TMEM161A: variants seen among roughly 807,000 people sequenced by gnomAD.
TMEM161A encodes transmembrane protein 161A.
Under a neutral mutation model 57.1 loss-of-function variants are expected in TMEM161A, and 46 were observed. That is an observed-to-expected ratio of 0.81 (90% CI 0.64 to 1.03). The LOEUF is 1.03. TMEM161A is among the 50% of genes least tolerant of loss of function. The pLI is 0.00. For missense variants in TMEM161A, 601 were observed against 621.5 expected, an observed-to-expected ratio of 0.97 and a Z score of 0.35; for synonymous variants, 288 against 279.0, an observed-to-expected ratio of 1.03 and a Z score of -0.32.
chr19:19,119,871 G>A lies in TMEM161A; in HGVS notation c.*59C>T. The A allele has an allele frequency of 6.5e-7, 1 of 1,529,044 alleles. No individual in the cohort carries two copies. The highest frequency in any genetic ancestry group is 8.8e-7 in the Non-Finnish European group (1 of 1,135,074). 94.7% of individuals were successfully genotyped at this position (1,529,044 alleles called of 1,614,324 possible). On this transcript the variant is annotated 3_prime_UTR_variant, in exon 12 of 12. Coordinates refer to ENST00000162044, the MANE Select transcript of TMEM161A (RefSeq NM_017814.3). The stretch of plus-strand genomic sequence containing the variant: ...CACGGGGGCGCAAACAGAGGGGGCA[G>A]GCTAGTGTCCCGCTGCCCCAGGAAC...
intron 6 of TMEM161A, among the ~76,000 whole-genome samples, chr19:19,128,145 T>C (rs989666810): frequency 6.6e-6 from 1 of 151,982 alleles, no homozygotes; most frequent in Non-Finnish European, 1.5e-5. Context: ...GAGTTAGTGT[T>C]TGATGGGCTG....
chr19:19,120,775 G>A lies in TMEM161A; in HGVS notation c.1176C>T (p.Leu392=). Residue 392 remains leucine (L), a synonymous_variant, in exon 11 of 12, where the codon CTC becomes CTT. Coordinates refer to ENST00000162044, the MANE Select transcript of TMEM161A (RefSeq NM_017814.3). ...ACCGCGGCATCTCACCCAGCGTCTT[G>A]AGCAGAAGTGTGCAGTTGAGGGTGA... The part of the protein sequence containing the change: ...LILTLNCTLL[L]KTLGGYSWGL... The A allele has an allele frequency of 1.2e-6, 2 of 1,613,178 alleles. No homozygotes were observed. The highest frequency in any genetic ancestry group is 1.7e-6 in the Non-Finnish European group (2 of 1,179,962).
chr19:19,120,259 C>A, intron 11 of TMEM161A, 76 bp from the exon 12 acceptor site: 2 of 1,273,406 alleles, frequency 1.6e-6, no homozygotes, highest in Non-Finnish European at 2.1e-6. Context: ...GCACGGGGGG[C>A]CAGGCCCATT....
At chr19:19,134,738 G>C (rs2059976568) in intron 2 of TMEM161A, 46 bp downstream of exon 2, 4 of 1,403,946 alleles carry the variant, frequency 2.8e-6, no homozygotes, top group African/African-American at 1.4e-5. Flanking sequence ...GAGCCAGAAG[G>C]GGGCGTGACT....
intron 6 of TMEM161A, among the ~76,000 whole-genome samples, chr19:19,129,945 C>A (rs957156830): frequency 4.6e-5 from 7 of 152,098 alleles, no homozygotes; most frequent in Non-Finnish European, 7.4e-5. Context: ...CCATGAGTGT[C>A]CATCAGAGAC....
intron 1 of TMEM161A, 86 bp from the exon 2 acceptor site, chr19:19,134,973 A>G: frequency 1.0e-6 from 1 of 973,118 alleles, no homozygotes; most frequent in East Asian, 2.6e-5. Flanking sequence ...TTTATAGAGA[A>G]GTCAGGCTGG....
chr19:19,130,345 C>A, intron 5 of TMEM161A, 38 bp from the exon 6 acceptor site: 1 of 1,607,532 alleles, frequency 6.2e-7, no homozygotes, highest in Non-Finnish European at 8.5e-7. Context: ...GGTGCCACTG[C>A]CCCACTCTGC....
At chr19:19,137,839 ACACT>A (rs1229726488) in intron 1 of TMEM161A, among the ~76,000 whole-genome samples, 1 of 152,180 alleles carries the variant, frequency 6.6e-6, no homozygotes, top group East Asian at 1.9e-4. Flanking sequence ...TTTTAAGAAC[ACACT>A]CAATAGGTTG....
intron 6 of TMEM161A, among the ~76,000 whole-genome samples, chr19:19,127,039 G>T (rs1243815787): frequency 1.3e-5 from 2 of 152,014 alleles, no homozygotes; most frequent in African/African-American, 4.8e-5. Flanking sequence ...AACAGAATGA[G>T]ACTCTGTCTC....
chr19:19,133,005 A>G, intron 3 of TMEM161A, 125 bp downstream of exon 3: 1 of 858,512 alleles, frequency 1.2e-6, no homozygotes. Context: ...TGCCCAGATC[A>G]GCGCCTGGAA....
At chr19:19,120,680 A>AC in intron 11 of TMEM161A, 85 bp downstream of exon 11, 1 of 375,616 alleles carries the variant, frequency 2.7e-6, no homozygotes, top group Non-Finnish European at 4.1e-6. Context: ...CTCCCCCCCC[A>AC]CCGCGGTCCC....
chr19:19,131,565 AC>A (rs2059959162), intron 5 of TMEM161A, among the ~76,000 whole-genome samples: 2 of 151,684 alleles, frequency 1.3e-5, no homozygotes, highest in Non-Finnish European at 2.9e-5. Context: ...CGCTCTTGTC[AC>A]CCAGGCTGGA....
intron 1 of TMEM161A, among the ~76,000 whole-genome samples, chr19:19,136,020 T>C (rs1408904302): frequency 6.6e-6 from 1 of 151,950 alleles, no homozygotes. Flanking sequence ...CTAAGGCTTT[T>C]TTTTTTTTTA....
At chr19:19,129,137 T>A (rs2059945204) in intron 6 of TMEM161A, among the ~76,000 whole-genome samples, 1 of 152,194 alleles carries the variant, frequency 6.6e-6, no homozygotes, top group Admixed American at 6.6e-5. Context: ...TCCATGGATC[T>A]TGATTCATTT....
At position 19,120,207 on chromosome 19, in the gene TMEM161A, G is replaced by C. The variant is rs1280686579; in HGVS notation, c.1187-24C>G. On this transcript the variant is annotated intron_variant, in intron 11 of 11. Coordinates refer to ENST00000162044, the MANE Select transcript of TMEM161A (RefSeq NM_017814.3). ...TCCTAGGAGAAGAGGATGAAGCGAG[G>C]TATGAGTGGAAAAATGGGGGAGGGG... The C allele has an allele frequency of 4.6e-6, 7 of 1,512,604 alleles. No homozygotes were observed. The East Asian group carries it at 1.7e-4, about 37-fold the overall frequency. 93.7% of individuals were successfully genotyped at this position (1,512,604 alleles called of 1,614,324 possible). A position where few individuals can be genotyped will look rare whatever the true frequency, so the allele number is the denominator to read the frequency against.
chr19:19,128,176 CAA>C, intron 6 of TMEM161A, among the ~76,000 whole-genome samples: 1 of 148,886 alleles, frequency 6.7e-6, no homozygotes, highest in African/African-American at 2.5e-5. Context: ...TTTGCAAGAG[CAA>C]AGAGTTGTGG....
At chr19:19,135,799 C>T (rs2059982315) in intron 1 of TMEM161A, among the ~76,000 whole-genome samples, 1 of 152,206 alleles carries the variant, frequency 6.6e-6, no homozygotes, top group African/African-American at 2.4e-5. Context: ...TGGTCTTGAA[C>T]TCCTAGGCTC....
At chr19:19,123,717 A>C (rs899935722) in intron 6 of TMEM161A, among the ~76,000 whole-genome samples, 3 of 152,216 alleles carry the variant, frequency 2.0e-5, no homozygotes, top group South Asian at 2.1e-4. Context: ...TAATCAAAAG[A>C]AAGCAAGCTA....
Position 19,121,126 on chromosome 19 carries a change from G to C in TMEM161A, c.955C>G (p.Leu319Val). ...SAFDSGRLWL[L>V]VVLCLLRLAV... ...AGCCGCAGCAGGCACAGCACCACCA[G>C]CAACCAGAGGCGCCCAGAGTCGAAG... is the stretch of plus-strand genomic sequence containing the variant. The change falls in exon 10 of 12, where the codon CTG (leucine) becomes GTG (valine). Residue 319 changes from leucine to valine, a missense_variant. Coordinates refer to ENST00000162044, the MANE Select transcript of TMEM161A (RefSeq NM_017814.3). This position sits in a 1 kb window ranked among gnomAD's most constrained non-coding sequence, Gnocchi z 5.8. 1 of 1,610,868 alleles carries C rather than the reference G, an allele frequency of 6.2e-7. No individual in the cohort carries two copies. The highest frequency in any genetic ancestry group is 8.5e-7 in the Non-Finnish European group (1 of 1,178,944).
Sources: allele counts gnomAD v4.1 joint callset (sites outside exome capture counted in the v4.1 genomes callset), GRCh38; gene constraint gnomAD v4.1.1; non-coding constraint Gnocchi (gnomAD v3.1); transcripts MANE v1.5; gene names NCBI Gene and HGNC (gene_info 2026-07-23, HGNC 2026-07-21).